Variants in PBRM1 observed in about 807,000 individuals in gnomAD.
PBRM1 encodes the protein polybromo 1.
PBRM1 carries 27 observed loss-of-function variants against 194.5 expected under a neutral mutation model. The observed-to-expected ratio is 0.14, with a 90% CI of 0.10 to 0.19. The LOEUF (loss-of-function observed/expected upper bound fraction) is 0.19. PBRM1 is among the 10% of genes least tolerant of loss of function. The pLI, the probability that PBRM1 is intolerant of heterozygous loss-of-function variation, is 1.00. For synonymous variants in PBRM1, 655 were observed against 693.2 expected (o/e 0.94, Z 0.87); for missense variants, 1,466 against 2,077.2 (o/e 0.71, Z 5.72).
At chr3:52,599,268 C>A (rs2093809821) in intron 17 of PBRM1, among the ~76,000 whole-genome samples, 1 of 152,118 alleles carries the variant, frequency 6.6e-6, no homozygotes, top group Non-Finnish European at 1.5e-5. Context: ...ACAATCAAAT[C>A]AGGGTAATTA....
At chr3:52,588,552 CTTTTT>C (rs36058575) in intron 18 of PBRM1, among the ~76,000 whole-genome samples, 388 of 110,120 alleles carry the variant, frequency 3.5e-3, no homozygotes, top group Middle Eastern at 0.015. Flanking sequence ...GTATTTCTTT[CTTTTT>C]TTTTTTTTTT....
intron 3 of PBRM1, among the ~76,000 whole-genome samples, chr3:52,668,272 G>T (rs181481804): frequency 2.3e-4 from 35 of 152,202 alleles, no homozygotes; most frequent in Non-Finnish European, 3.8e-4. Context: ...ACTCCAGCCC[G>T]TGTAACAGAG....
chr3:52,568,761 T>G (rs951744820), intron 22 of PBRM1, among the ~76,000 whole-genome samples: 1 of 152,248 alleles, frequency 6.6e-6, no homozygotes, highest in Admixed American at 6.5e-5. Flanking sequence ...TGCTAAACTT[T>G]CTATTTTGTT....
At chr3:52,651,754 G>A (rs1413205668) in exon 6 of PBRM1, 2 of 1,593,902 alleles carry the variant, frequency 1.3e-6, no homozygotes, top group Non-Finnish European at 1.7e-6. Context: ...GTATCCTCTG[G>A]GCAATGGTCT....
chr3:52,664,742 A>AC (rs1423701614), intron 3 of PBRM1, among the ~76,000 whole-genome samples: 1 of 152,056 alleles, frequency 6.6e-6, no homozygotes, highest in East Asian at 1.9e-4. Context: ...ACAAAAAAAA[A>AC]AAGAAAAAAA....
chr3:52,576,924 T>C (rs28627479), intron 21 of PBRM1, among the ~76,000 whole-genome samples: 2 of 152,244 alleles, frequency 1.3e-5, no homozygotes, highest in East Asian at 1.9e-4. Flanking sequence ...GTGAAAAAAA[T>C]TTTTTAACTT....
chr3:52,549,464 T>C (rs1424479671), intron 29 of PBRM1, among the ~76,000 whole-genome samples: 1 of 152,030 alleles, frequency 6.6e-6, no homozygotes, highest in Admixed American at 6.6e-5. Context: ...AATTTTTAAT[T>C]TACCCAATGC....
intron 9 of PBRM1, among the ~76,000 whole-genome samples, 196 bp from the exon 11 acceptor site, chr3:52,642,241 G>A (rs549146301): frequency 6.6e-6 from 1 of 152,142 alleles, no homozygotes; most frequent in African/African-American, 2.4e-5. Flanking sequence ...TTTCCTCTTA[G>A]AAAAGAGGGA....
intron 8 of PBRM1, among the ~76,000 whole-genome samples, chr3:52,644,355 T>G (rs953716568): frequency 1.3e-5 from 2 of 152,046 alleles, no homozygotes; most frequent in Non-Finnish European, 2.9e-5. Flanking sequence ...CCTAGAAAAC[T>G]CAGCAAATAT....
intron 7 of PBRM1, among the ~76,000 whole-genome samples, chr3:52,646,722 CTACCT>C (rs1014321002): frequency 6.6e-6 from 1 of 152,150 alleles, no homozygotes; most frequent in African/African-American, 2.4e-5. Flanking sequence ...ATTTGGACTC[CTACCT>C]TACATGTACC....
At chr3:52,557,364 G>A (rs2082437397) in intron 26 of PBRM1, among the ~76,000 whole-genome samples, 1 of 152,184 alleles carries the variant, frequency 6.6e-6, no homozygotes, top group African/African-American at 2.4e-5. Flanking sequence ...ATCCCAACAA[G>A]CCTGCCTTGA....
rs114511095 is a variant in PBRM1, at chr3:52,564,981, C to T, written c.3692-748G>A. Among the ~76,000 whole-genome samples, 513 of 152,142 alleles carry T rather than the reference C, an allele frequency of 3.4e-3. 4 individuals are homozygous for T. Among genetic ancestry groups the T allele is most frequent in the African/African-American group, 0.012 (489 of 41,506 alleles). On this transcript the variant is annotated intron_variant, in intron 22 of 29. Coordinates refer to ENST00000296302, the Ensembl canonical transcript of PBRM1. ...TGGGGAGGCCGAGGCAGCAGAAACA[C>T]GAGGTCAAGAGATCGAGACCGTCCT...
rs1183548426 is a variant in PBRM1, at chr3:52,579,210, G to C, written c.3388-11C>G. On this transcript the variant is annotated splice_polypyrimidine_tract_variant and intron_variant, in intron 20 of 29. Coordinates refer to ENST00000296302, the Ensembl canonical transcript of PBRM1. Reference sequence around the variant, plus strand: ...GACATCTTCTTTTTCCTGTTGTAAAGAAAACTGGCTGAAGAAAGGTAGTTG... The same window carrying C: ...GACATCTTCTTTTTCCTGTTGTAAACAAAACTGGCTGAAGAAAGGTAGTTG... The C allele has an allele frequency of 6.2e-7, 1 of 1,612,902 alleles. No homozygotes were observed. The highest frequency in any genetic ancestry group is 8.5e-7 in the Non-Finnish European group (1 of 1,178,912).
intron 13 of PBRM1, 64 bp from the exon 15 acceptor site, chr3:52,625,005 T>G (rs888689678): frequency 1.9e-6 from 2 of 1,072,238 alleles, no homozygotes; most frequent in Admixed American, 4.0e-5. Flanking sequence ...TGGAGGGTCA[T>G]GTACAAACCA....
chr3:52,580,755 C>A (rs1239832509), intron 20 of PBRM1, among the ~76,000 whole-genome samples: 1 of 152,136 alleles, frequency 6.6e-6, no homozygotes, highest in Admixed American at 6.5e-5. Context: ...GCCTTAGTTT[C>A]CTCATTTGTG....
chr3:52,584,740 G>A (rs58121004), intron 20 of PBRM1, among the ~76,000 whole-genome samples: 1 of 152,026 alleles, frequency 6.6e-6, no homozygotes, highest in Non-Finnish European at 1.5e-5. Context: ...ACAGGTATGA[G>A]CCAACACGCC....
intron 17 of PBRM1, among the ~76,000 whole-genome samples, chr3:52,595,528 T>A (rs923784286): frequency 6.6e-6 from 1 of 152,242 alleles, no homozygotes; most frequent in Non-Finnish European, 1.5e-5. Context: ...AATTGGATTA[T>A]TAGATTTTCT....
At chr3:52,654,851 G>A (rs972742140) in intron 5 of PBRM1, among the ~76,000 whole-genome samples, 2 of 152,112 alleles carry the variant, frequency 1.3e-5, no homozygotes, top group Non-Finnish European at 2.9e-5. Context: ...GAAGTGGCAT[G>A]ATCACAGCTC....
At chr3:52,681,000 C>G (rs916463080), upstream of PBRM1, among the ~76,000 whole-genome samples, 6 of 151,898 alleles carry the variant, frequency 4.0e-5, no homozygotes, top group South Asian at 2.1e-4. Context: ...CTGAGGTAGT[C>G]AGGCAGGCCT....
Sources: allele counts gnomAD v4.1 joint callset (sites outside exome capture counted in the v4.1 genomes callset), GRCh38; gene constraint gnomAD v4.1.1; transcripts MANE v1.5; gene names NCBI Gene and HGNC (gene_info 2026-07-23, HGNC 2026-07-21).